The following C10orf90 variants were observed in gnomAD, a reference collection of about 807,000 sequenced individuals.
C10orf90 encodes the protein (E2-independent) E3 ubiquitin-conjugating enzyme FATS.
In C10orf90, 56 loss-of-function variants were observed where a neutral mutation model predicts 62.5. The observed-to-expected ratio is 0.90, with a 90% confidence interval of 0.72 to 1.12. C10orf90 has a LOEUF of 1.12. Ranked by LOEUF, C10orf90 falls within the 50% of genes most tolerant of loss-of-function variation. C10orf90 has a pLI of 0.00. For synonymous variants in C10orf90, 386 were observed against 340.4 expected (o/e 1.13, Z -1.47); for missense variants, 970 against 880.4 (o/e 1.10, Z -1.29).
At chr10:126,515,553 C>A (rs569963251) in intron 2 of C10orf90, among the ~76,000 whole-genome samples, 29 of 152,202 alleles carry the variant, frequency 1.9e-4, no homozygotes, top group Non-Finnish European at 3.7e-4. Context: ...ATATGCCATA[C>A]CATACCGCCT....
At position 126,655,839 on chromosome 10, in the gene C10orf90, C is replaced by CA. The variant is rs56164675; in HGVS notation, c.241-9203dup. 8.9e-3 allele frequency among the ~76,000 whole-genome samples: 1,250 copies of CA among 139,804 alleles called. 15 individuals carry two copies. The highest frequency in any genetic ancestry group is 0.013 in the East Asian group (62 of 4,844). 91.7% of individuals were successfully genotyped at this position (139,804 alleles called of 152,430 possible). On this transcript the variant is annotated intron_variant, in intron 1 of 9. Transcript: ENST00000488181. Reference sequence around the variant, plus strand: ...GCAACAGAGACAAAACAAAACAAAACAAAAAAAAAAAAGAAGAAGAACAAA... The same window carrying CA: ...GCAACAGAGACAAAACAAAACAAAACAAAAAAAAAAAAAGAAGAAGAACAAA...
In C10orf90 at chr10:126,513,873, G is replaced by A. The variant is rs1402905725; in HGVS notation, c.380C>T (p.Thr127Ile). 6.2e-7 allele frequency: 1 copy of A among 1,612,576 alleles called. No individual in the cohort carries two copies. The highest frequency in any genetic ancestry group is 1.1e-5 in the South Asian group (1 of 91,052). The change falls in exon 3 of 10, where the codon ACA becomes ATA. Residue 127 changes from threonine to isoleucine, a missense_variant. By Grantham distance (89) the Thr-to-Ile change is moderately conservative. Coordinates refer to ENST00000488181, the MANE Select transcript of C10orf90 (RefSeq NM_001350921.2). ...CTTGGTGAAGTCAGATTTTGCCTCT[G>A]TGACATCAGACTGGAGATTTTTAAG... ...IALKNLQSDV[T>I]EAKSDFTKET...
chr10:126,485,813 G>T (rs918739143), intron 4 of C10orf90, among the ~76,000 whole-genome samples: 16 of 151,872 alleles, frequency 1.1e-4, no homozygotes, highest in African/African-American at 3.9e-4. Flanking sequence ...CGGGCGTCGT[G>T]GTGGGCACCT....
chr10:126,609,320 T>C (rs1355753355), intron 2 of C10orf90, among the ~76,000 whole-genome samples: 1 of 152,190 alleles, frequency 6.6e-6, no homozygotes, highest in East Asian at 1.9e-4. Flanking sequence ...AGAGAATCAC[T>C]TGAACCTAGG....
intron 2 of C10orf90, among the ~76,000 whole-genome samples, chr10:126,624,254 G>A (rs1352325140): frequency 1.3e-5 from 2 of 152,114 alleles, no homozygotes; most frequent in Non-Finnish European, 2.9e-5. Flanking sequence ...GCCAAGGCAG[G>A]AGAATTGCTG....
intron 1 of C10orf90, among the ~76,000 whole-genome samples, chr10:126,656,644 C>T (rs752394068): frequency 3.9e-5 from 6 of 152,188 alleles, no homozygotes; most frequent in Admixed American, 2.0e-4. Flanking sequence ...GAACAGGCAA[C>T]GCTATAGCTT....
chr10:126,618,070 G>T (rs909449070), intron 2 of C10orf90, among the ~76,000 whole-genome samples: 1 of 152,156 alleles, frequency 6.6e-6, no homozygotes, highest in South Asian at 2.1e-4. Flanking sequence ...AGGGAATAGG[G>T]CTCCCTCACC....
intron 2 of C10orf90, chr10:126,523,022 C>CA (rs564271998): frequency 2.6e-4 from 40 of 152,246 alleles, no homozygotes; most frequent in African/African-American, 9.6e-4. Context: ...AACGCTCCCT[C>CA]AAAAAACAGT....
intron 1 of C10orf90, among the ~76,000 whole-genome samples, chr10:126,669,743 T>G (rs555858655): frequency 6.6e-6 from 1 of 151,644 alleles, no homozygotes; most frequent in African/African-American, 2.4e-5. Context: ...GCTTGAAAAT[T>G]AGAGCTTGCT....
intron 7 of C10orf90, among the ~76,000 whole-genome samples, chr10:126,442,309 G>C (rs546886817): frequency 1.9e-4 from 29 of 150,994 alleles, no homozygotes; most frequent in Admixed American, 1.8e-3. Flanking sequence ...AAAAGACAAA[G>C]AGGGACATTA....
chr10:126,663,443 C>G (rs1202767169), intron 1 of C10orf90, among the ~76,000 whole-genome samples: 1 of 152,194 alleles, frequency 6.6e-6, no homozygotes, highest in African/African-American at 2.4e-5. Flanking sequence ...GCAGCCTGCA[C>G]CATCTCTCTG....
chr10:126,565,372 TATA>T lies in C10orf90; in HGVS notation c.314-51436_314-51434del, dbSNP rs1304446451. Among the ~76,000 whole-genome samples the T allele has an allele frequency of 8.8e-4, 69 of 77,994 alleles. 1 individual carries two copies. Among genetic ancestry groups the T allele is most frequent in the African/African-American group, 3.3e-3 (60 of 18,280 alleles). 51.2% of individuals were successfully genotyped at this position (77,994 alleles called of 152,430 possible). On this transcript the variant is annotated intron_variant, in intron 2 of 9. Transcript: ENST00000488181. ...ATAATATATAATATATATTATTTTA[TATA>T]ATAATATATATTATATATATTATAT...
At chr10:126,445,818 TATATATATAC>T (rs968873891) in intron 7 of C10orf90, among the ~76,000 whole-genome samples, 6 of 123,198 alleles carry the variant, frequency 4.9e-5, no homozygotes, top group Non-Finnish European at 8.5e-5. Flanking sequence ...TATATATATA[TATATATATAC>T]AATGGAATAC....
At chr10:126,496,751 C>T in intron 4 of C10orf90, 1 of 970,522 alleles carries the variant, frequency 1.0e-6, no homozygotes, top group Non-Finnish European at 1.2e-6. Context: ...AGGAAGGAAA[C>T]ACATCAAGCA....
chr10:126,667,848 A>G (rs1473542546), intron 1 of C10orf90, among the ~76,000 whole-genome samples: 1 of 152,162 alleles, frequency 6.6e-6, no homozygotes, highest in Non-Finnish European at 1.5e-5. Context: ...AACAAACTGT[A>G]TTTCTCAGAG....
intron 2 of C10orf90, among the ~76,000 whole-genome samples, chr10:126,570,213 G>A (rs772909622): frequency 3.9e-5 from 6 of 152,268 alleles, no homozygotes; most frequent in South Asian, 2.1e-4. Context: ...TTATGCCTGC[G>A]ACTCAGAAAC....
chr10:126,563,496 A>G (rs1482051326), intron 2 of C10orf90, among the ~76,000 whole-genome samples: 1 of 152,202 alleles, frequency 6.6e-6, no homozygotes, highest in African/African-American at 2.4e-5. Flanking sequence ...TTTTCTATCT[A>G]TAACAAAAGG....
chr10:126,465,602 C>T (rs928685407), intron 4 of C10orf90, among the ~76,000 whole-genome samples: 1 of 152,138 alleles, frequency 6.6e-6, no homozygotes, highest in Non-Finnish European at 1.5e-5. Flanking sequence ...TGCTGAGTTA[C>T]GTACTATGGC....
intron 2 of C10orf90, among the ~76,000 whole-genome samples, chr10:126,631,412 G>C (rs1208291581): frequency 2.0e-5 from 3 of 152,084 alleles, no homozygotes; most frequent in East Asian, 1.9e-4. Flanking sequence ...CCCTTGCCCT[G>C]CTGCTTGCAT....
Sources: gnomAD v4.1 joint callset for allele counts (sites outside exome capture counted in the v4.1 genomes callset) on GRCh38, gnomAD v4.1.1 for gene constraint, MANE v1.5 for transcripts, NCBI Gene and HGNC (gene_info 2026-07-23, HGNC 2026-07-21) for gene names.